Variants in TRHDE observed in about 807,000 individuals in gnomAD.
TRHDE encodes thyrotropin-releasing hormone-degrading ectoenzyme.
In TRHDE, 72 loss-of-function variants were observed where a neutral mutation model predicts 125.7. The ratio of observed to expected loss-of-function variants is 0.57; its 90% CI spans 0.47 to 0.70. The LOEUF (loss-of-function observed/expected upper bound fraction) is 0.70, where lower values mean the gene tolerates loss of function less well. Ranked by LOEUF, TRHDE falls within the 30% of genes least tolerant of loss-of-function variation. TRHDE has a pLI of 0.00. For missense variants in TRHDE, 1,110 were observed against 1,327.1 expected, an observed-to-expected ratio of 0.84 and a Z score of 2.54; for synonymous variants, 509 against 509.1, an observed-to-expected ratio of 1.00 and a Z score of 0.00.
rs1870960370 is a variant in TRHDE at position 72,575,668 on chromosome 12, T to C, written c.2321+126T>C. On this transcript the variant is annotated intron_variant, in intron 12 of 18. Transcript: ENST00000261180. Reference sequence around the variant, plus strand: ...AAAAATCTATTTCTATCTTATGTTCTTTGACTTTGGATATGAGTTCTAATT... The same window carrying C: ...AAAAATCTATTTCTATCTTATGTTCCTTGACTTTGGATATGAGTTCTAATT... 4 of 919,352 alleles carry C rather than the reference T, an allele frequency of 4.4e-6. No homozygotes were observed. In the Admixed American group the frequency reaches 9.7e-5, roughly 22 times the overall value. 56.9% of individuals were successfully genotyped at this position (919,352 alleles called of 1,614,324 possible).
At chr12:72,238,315 T>TATACACACATATAC in intron 2 of TRHDE, among the ~76,000 whole-genome samples, 1 of 32,024 alleles carries the variant, frequency 3.1e-5, no homozygotes, top group African/African-American at 1.2e-4. Flanking sequence ...TATATATATA[T>TATACACACATATAC]ATATATACAT....
intron 1 of TRHDE, among the ~76,000 whole-genome samples, chr12:72,282,278 A>T (rs1165868564): frequency 1.3e-5 from 2 of 152,116 alleles, no homozygotes; most frequent in Non-Finnish European, 2.9e-5. Context: ...AAATATTTCG[A>T]TTTTTAATTA....
intron 2 of TRHDE, among the ~76,000 whole-genome samples, chr12:72,114,567 G>A (rs1483010757): frequency 1.3e-5 from 2 of 152,132 alleles, no homozygotes; most frequent in Non-Finnish European, 2.9e-5. Flanking sequence ...TTCGCATTGA[G>A]TAGGTGGAGG....
chr12:72,516,705 G>A (rs1181283434), intron 6 of TRHDE, among the ~76,000 whole-genome samples: 1 of 150,670 alleles, frequency 6.6e-6, no homozygotes, highest in Non-Finnish European at 1.5e-5. Flanking sequence ...GTGAGAGAGG[G>A]CATCCCTGTC....
intron 12 of TRHDE, among the ~76,000 whole-genome samples, chr12:72,597,327 T>A (rs1399421710): frequency 6.6e-6 from 1 of 152,138 alleles, no homozygotes; most frequent in Non-Finnish European, 1.5e-5. Flanking sequence ...ATTAGCAATG[T>A]CGTGATTCTT....
intron 2 of TRHDE, among the ~76,000 whole-genome samples, chr12:72,214,255 T>C (rs755620277): frequency 1.3e-5 from 2 of 152,178 alleles, no homozygotes; most frequent in African/African-American, 2.4e-5. Context: ...CTTCGTAGAA[T>C]GTAAAATAAA....
At position 72,272,591 on chromosome 12, in the gene TRHDE, G is replaced by A; in HGVS notation, c.-53G>A. On this transcript the variant is annotated 5_prime_UTR_variant, in exon 1 of 19. Transcript: ENST00000261180. This position sits in a 1 kb window ranked among gnomAD's most constrained non-coding sequence, Gnocchi z 6.7. Reference sequence around the variant, plus strand: ...GCCTGCTCTGGCTGTGGCCCGGGTGGCCCGCCCGCGGGGGGTGCCAGAGGG... The same window carrying A: ...GCCTGCTCTGGCTGTGGCCCGGGTGACCCGCCCGCGGGGGGTGCCAGAGGG... 1.4e-6 allele frequency: 1 copy of A among 722,012 alleles called. No homozygotes were observed. The highest frequency in any genetic ancestry group is 2.2e-6 in the Non-Finnish European group (1 of 459,944). The allele number at this position is 722,012 out of a possible 1,614,324, so 44.7% of individuals were successfully genotyped here.
At chr12:72,289,094 A>G (rs1273189576) in intron 2 of TRHDE, among the ~76,000 whole-genome samples, 1 of 152,168 alleles carries the variant, frequency 6.6e-6, no homozygotes, top group Non-Finnish European at 1.5e-5. Context: ...TTCGGAGCAT[A>G]TGAGAATGAC....
At chr12:72,401,358 A>T (rs2135803106) in intron 3 of TRHDE, among the ~76,000 whole-genome samples, 1 of 152,310 alleles carries the variant, frequency 6.6e-6, no homozygotes, top group Middle Eastern at 3.4e-3. Flanking sequence ...GTAATTACTA[A>T]CATTATCCTC....
In TRHDE at chr12:72,614,330, A is replaced by ATATATTTT. The variant is rs531067163; in HGVS notation, c.2322-4560_2322-4559insATATTTTT. Among the ~76,000 whole-genome samples the ATATATTTT allele has an allele frequency of 1.6e-3, 206 of 129,840 alleles. 3 individuals carry two copies. Among genetic ancestry groups the ATATATTTT allele is most frequent in the African/African-American group, 6.2e-3 (202 of 32,784 alleles). The allele number at this position is 129,840 out of a possible 152,430, so 85.2% of individuals were successfully genotyped here. A position where few individuals can be genotyped will look rare whatever the true frequency, so the allele number is the denominator to read the frequency against. On this transcript the variant is annotated intron_variant, in intron 12 of 18. Transcript: ENST00000261180. ...TACATATGTATATATATATATATAT[A>ATATATTTT]TTTTTTTTTTCTCTAGAAACTGATC...
chr12:72,497,062 T>C (rs1350432679), intron 5 of TRHDE, among the ~76,000 whole-genome samples: 1 of 152,140 alleles, frequency 6.6e-6, no homozygotes, highest in East Asian at 1.9e-4. Flanking sequence ...CCCTCTCTCT[T>C]AATCCATTTA....
At chr12:72,438,997 A>C (rs1565741799) in intron 3 of TRHDE, among the ~76,000 whole-genome samples, 1 of 151,682 alleles carries the variant, frequency 6.6e-6, no homozygotes, top group African/African-American at 2.4e-5. Flanking sequence ...GATGAGTCCA[A>C]TTTTATTTTT....
At position 72,353,935 on chromosome 12, in the gene TRHDE, G is replaced by A. The variant is rs562720923; in HGVS notation, c.1189-24060G>A. The stretch of plus-strand genomic sequence containing the variant: ...TCATGGCAGTTCAGCTCTTGGGCAT[G>A]TGGCAGAGAGAAAGTCTCAAGATGA... On this transcript the variant is annotated intron_variant, in intron 2 of 18. Transcript: ENST00000261180. 2.6e-5 allele frequency among the ~76,000 whole-genome samples: 4 copies of A among 151,538 alleles called. No individual in the cohort carries two copies. The East Asian group carries it at 7.8e-4, about 30-fold the overall frequency.
chr12:72,355,359 G>A (rs1003015851), intron 2 of TRHDE, among the ~76,000 whole-genome samples: 6 of 151,482 alleles, frequency 4.0e-5, no homozygotes, highest in African/African-American at 1.5e-4. Context: ...GACTTACCAT[G>A]CATACCTTGT....
At chr12:72,452,027 C>T (rs1195082284) in intron 3 of TRHDE, among the ~76,000 whole-genome samples, 4 of 152,262 alleles carry the variant, frequency 2.6e-5, no homozygotes, top group Admixed American at 2.0e-4. Context: ...CAGGGTTTCA[C>T]TATGTCGGCC....
chr12:72,570,982 G>GT (rs1870698642), intron 10 of TRHDE, among the ~76,000 whole-genome samples: 1 of 149,936 alleles, frequency 6.7e-6, no homozygotes, highest in Non-Finnish European at 1.5e-5. Flanking sequence ...CGAAGATAAT[G>GT]TTTCCTGAAA....
In TRHDE at chr12:72,670,219, T is replaced by G. The variant is rs767806583; in HGVS notation, c.*7024T>G. 2.0e-5 allele frequency: 3 copies of G among 151,790 alleles called. No individual in the cohort carries two copies. The highest frequency in any genetic ancestry group is 4.4e-5 in the Non-Finnish European group (3 of 67,820). 9.4% of individuals were successfully genotyped at this position (151,790 alleles called of 1,614,324 possible). A position where few individuals can be genotyped will look rare whatever the true frequency, so the allele number is the denominator to read the frequency against. On this transcript the variant is annotated 3_prime_UTR_variant, in exon 19 of 19. Transcript: ENST00000261180. Reference sequence around the variant, plus strand: ...AAAAAGTAGCTGTTCTTTCAGTAAATAAGTGTTAATAAAGCAGTGACCAAA... The same window carrying G: ...AAAAAGTAGCTGTTCTTTCAGTAAAGAAGTGTTAATAAAGCAGTGACCAAA...
intron 3 of TRHDE, among the ~76,000 whole-genome samples, chr12:72,446,382 C>A (rs1213261268): frequency 6.6e-6 from 1 of 151,898 alleles, no homozygotes; most frequent in African/African-American, 2.4e-5. Context: ...AAGGAAGAAC[C>A]AGTACCAGCC....
At chr12:72,292,684 C>T (rs1880133565) in intron 2 of TRHDE, among the ~76,000 whole-genome samples, 1 of 152,214 alleles carries the variant, frequency 6.6e-6, no homozygotes, top group Non-Finnish European at 1.5e-5. Flanking sequence ...CCAACAGCCT[C>T]CTCAAGCCCC....
Sources: gnomAD v4.1 joint callset for allele counts (sites outside exome capture counted in the v4.1 genomes callset) on GRCh38, gnomAD v4.1.1 for gene constraint, Gnocchi (gnomAD v3.1) non-coding constraint, MANE v1.5 for transcripts, NCBI Gene and HGNC (gene_info 2026-07-23, HGNC 2026-07-21) for gene names.